The following CMTM4 variants were observed in gnomAD, a reference collection of about 807,000 sequenced individuals.
CMTM4 encodes the protein CKLF like MARVEL transmembrane domain containing 4, also known as CKLF-like MARVEL transmembrane domain-containing protein 4.
CMTM4 carries 8 observed loss-of-function variants against 19.0 expected under a neutral mutation model. The ratio of observed to expected loss-of-function variants is 0.42; its 90% CI spans 0.25 to 0.76. The LOEUF (loss-of-function observed/expected upper bound fraction) is 0.76. Ranked by LOEUF, CMTM4 falls within the 30% of genes least tolerant of loss-of-function variation. The pLI is 0.27. For missense variants in CMTM4, 228 were observed against 290.2 expected (o/e 0.79, Z 1.56); for synonymous variants, 106 against 121.1 (o/e 0.88, Z 0.82).
At chr16:66,634,018 C>CCT (rs2015936820) in intron 2 of CMTM4, among the ~76,000 whole-genome samples, 1 of 152,110 alleles carries the variant, frequency 6.6e-6, no homozygotes, top group African/African-American at 2.4e-5. Context: ...AGGAAAAGAA[C>CCT]GAGTATCAAC....
Position 66,617,346 on chromosome 16 carries a change from G to T in CMTM4, c.*4712C>A. On this transcript the variant is annotated 3_prime_UTR_variant, in exon 4 of 4. Transcript: ENST00000394106. ...ATTTTTTCCTTACTGTTACGTTTGT[G>T]GAGTAGGAAAAACTAGAAAGGAAAA... 6.2e-7 allele frequency: 1 copy of T among 1,613,284 alleles called. No individual in the cohort carries two copies. Among genetic ancestry groups the T allele is most frequent in the Non-Finnish European group, 8.5e-7 (1 of 1,179,704 alleles).
chr16:66,673,989 G>T (rs2016759712), intron 1 of CMTM4, among the ~76,000 whole-genome samples: 1 of 152,224 alleles, frequency 6.6e-6, no homozygotes. Flanking sequence ...GAGCAAGGCA[G>T]CCAGTGCTCA....
intron 2 of CMTM4, among the ~76,000 whole-genome samples, chr16:66,635,700 G>A (rs1321205081): frequency 6.6e-6 from 1 of 152,210 alleles, no homozygotes; most frequent in Non-Finnish European, 1.5e-5. Flanking sequence ...GGATCTCCCT[G>A]ACTGACTCCC....
At chr16:66,660,922 C>T (rs565184975) in intron 1 of CMTM4, among the ~76,000 whole-genome samples, 30 of 152,186 alleles carry the variant, frequency 2.0e-4, no homozygotes, top group African/African-American at 7.0e-4. Flanking sequence ...GGCCTGTCTC[C>T]GGAATCGCGT....
At position 66,620,638 on chromosome 16, in the gene CMTM4, G is replaced by C; in HGVS notation, c.*1420C>G. On this transcript the variant is annotated 3_prime_UTR_variant, in exon 4 of 4. Transcript: ENST00000394106. Reference sequence around the variant, plus strand: ...TACGCTGCTAAAGCTGTCAACATTTGTCAGCACTTGATCTTGGGGATTTCT... The same window carrying C: ...TACGCTGCTAAAGCTGTCAACATTTCTCAGCACTTGATCTTGGGGATTTCT... 1.0e-6 allele frequency: 1 copy of C among 985,620 alleles called. No individual in the cohort carries two copies. Among genetic ancestry groups the C allele is most frequent in the Non-Finnish European group, 1.2e-6 (1 of 829,920 alleles). 61.1% of individuals were successfully genotyped at this position (985,620 alleles called of 1,614,324 possible).
At chr16:66,670,743 T>C (rs1436073394) in intron 1 of CMTM4, among the ~76,000 whole-genome samples, 2 of 151,348 alleles carry the variant, frequency 1.3e-5, no homozygotes, top group East Asian at 3.9e-4. Context: ...GAGGTTGCAG[T>C]GAGCCAAGAT....
chr16:66,622,341 G>T lies in CMTM4; in HGVS notation c.463-119C>A. On this transcript the variant is annotated intron_variant, in intron 3 of 3. Coordinates refer to ENST00000394106, the MANE Select transcript of CMTM4 (RefSeq NM_181521.3). This position sits in a 1 kb window ranked among gnomAD's most constrained non-coding sequence, Gnocchi z 4.0. ...TCTGCCAGCTGATCATTACAACCCTGTGCCTTCATTCCTTGATCTCTTCCC... is the reference window on the plus strand; with the variant it reads ...TCTGCCAGCTGATCATTACAACCCTTTGCCTTCATTCCTTGATCTCTTCCC... 1 of 1,104,036 alleles carries T rather than the reference G, an allele frequency of 9.1e-7. No individual in the cohort carries two copies. The highest frequency in any genetic ancestry group is 1.3e-6 in the Non-Finnish European group (1 of 774,896). The allele number at this position is 1,104,036 out of a possible 1,614,324, so 68.4% of individuals were successfully genotyped here. A position where few individuals can be genotyped will look rare whatever the true frequency, so the allele number is the denominator to read the frequency against.
At chr16:66,624,391 C>G (rs1236891682) in intron 2 of CMTM4, among the ~76,000 whole-genome samples, 2 of 152,238 alleles carry the variant, frequency 1.3e-5, no homozygotes, top group Non-Finnish European at 2.9e-5. Context: ...CCCAAACTGC[C>G]TGAGTGCCAG....
chr16:66,689,846 T>A (rs1304658161), intron 1 of CMTM4, among the ~76,000 whole-genome samples: 3 of 152,244 alleles, frequency 2.0e-5, no homozygotes, highest in Non-Finnish European at 4.4e-5. Flanking sequence ...ATTTTCTATA[T>A]GGTATTTTGT....
intron 1 of CMTM4, among the ~76,000 whole-genome samples, chr16:66,663,744 T>C (rs1383431480): frequency 6.6e-6 from 1 of 151,900 alleles, no homozygotes; most frequent in Admixed American, 6.6e-5. Context: ...GGATTCACCA[T>C]GTTGACCAGG....
At chr16:66,677,571 G>T (rs143216479) in intron 1 of CMTM4, among the ~76,000 whole-genome samples, 1 of 152,254 alleles carries the variant, frequency 6.6e-6, no homozygotes, top group African/African-American at 2.4e-5. Context: ...TGTTTCCCAC[G>T]GCCACCTCAT....
intron 1 of CMTM4, among the ~76,000 whole-genome samples, chr16:66,640,286 T>C (rs915679489): frequency 4.6e-5 from 7 of 152,076 alleles, no homozygotes; most frequent in East Asian, 3.9e-4. Context: ...GCCTGGGTGA[T>C]AGAGTGAGAC....
intron 1 of CMTM4, among the ~76,000 whole-genome samples, chr16:66,688,967 C>T (rs904276138): frequency 6.6e-6 from 1 of 152,104 alleles, no homozygotes; most frequent in Non-Finnish European, 1.5e-5. Context: ...TATAAAAATA[C>T]TATTGGTTAT....
chr16:66,618,008 T>A lies in CMTM4; in HGVS notation c.*4050A>T. 1 of 985,662 alleles carries A rather than the reference T, an allele frequency of 1.0e-6. No homozygotes were observed. The highest frequency in any genetic ancestry group is 1.2e-6 in the Non-Finnish European group (1 of 830,090). 61.1% of individuals were successfully genotyped at this position (985,662 alleles called of 1,614,324 possible). On this transcript the variant is annotated 3_prime_UTR_variant, in exon 4 of 4. Coordinates refer to ENST00000394106, the MANE Select transcript of CMTM4 (RefSeq NM_181521.3). ...CAGGTGGGGTGTTCCAGGCCACTGCTTCCTCCCTTATCTCCCAGACCTGGC... is the reference window on the plus strand; with the variant it reads ...CAGGTGGGGTGTTCCAGGCCACTGCATCCTCCCTTATCTCCCAGACCTGGC...
intron 1 of CMTM4, among the ~76,000 whole-genome samples, chr16:66,677,099 G>A (rs569868752): frequency 6.6e-6 from 1 of 152,264 alleles, no homozygotes; most frequent in East Asian, 1.9e-4. Flanking sequence ...TTAGCCAGGC[G>A]TGGTAGCACA....
intron 1 of CMTM4, among the ~76,000 whole-genome samples, chr16:66,637,544 C>CA (rs35866196): frequency 2.5e-4 from 38 of 150,374 alleles, no homozygotes; most frequent in African/African-American, 7.8e-4. Context: ...AATTCCATCT[C>CA]AAAAAAAAAG....
chr16:66,670,436 T>A (rs2016681958), intron 1 of CMTM4, among the ~76,000 whole-genome samples: 1 of 86,050 alleles, frequency 1.2e-5, no homozygotes, highest in African/African-American at 6.6e-5. Flanking sequence ...CAAGACTCTG[T>A]CTCAAAAAAA....
At chr16:66,645,418 A>T (rs952806046) in intron 1 of CMTM4, among the ~76,000 whole-genome samples, 1 of 151,802 alleles carries the variant, frequency 6.6e-6, no homozygotes, top group Non-Finnish European at 1.5e-5. Flanking sequence ...TCTCTACTAA[A>T]AATACAAAAA....
intron 1 of CMTM4, among the ~76,000 whole-genome samples, chr16:66,648,188 C>T (rs1372189931): frequency 6.6e-6 from 1 of 152,234 alleles, no homozygotes; most frequent in East Asian, 1.9e-4. Flanking sequence ...AGAGACCTCC[C>T]TTCACCACAG....
Sources: allele counts gnomAD v4.1 joint callset (sites outside exome capture counted in the v4.1 genomes callset), GRCh38; gene constraint gnomAD v4.1.1; non-coding constraint Gnocchi (gnomAD v3.1); transcripts MANE v1.5; gene names NCBI Gene and HGNC (gene_info 2026-07-23, HGNC 2026-07-21).